The following CCDC158 variants were observed in gnomAD, a reference collection of about 807,000 sequenced individuals.
CCDC158 encodes coiled-coil domain-containing protein 158.
Under a neutral mutation model 138.6 loss-of-function variants are expected in CCDC158, and 116 were observed. The observed-to-expected ratio is 0.84, with a 90% CI of 0.72 to 0.98. The LOEUF is 0.98. Ranked by LOEUF, CCDC158 falls within the 50% of genes least tolerant of loss-of-function variation. The pLI, the probability that CCDC158 is intolerant of heterozygous loss-of-function variation, is 0.00. For synonymous variants in CCDC158, 436 were observed against 442.4 expected (o/e 0.99, Z 0.18); for missense variants, 1,265 against 1,306.1 (o/e 0.97, Z 0.48).
chr4:76,347,752 T>A (rs999827545), intron 18 of CCDC158, among the ~76,000 whole-genome samples: 1 of 151,958 alleles, frequency 6.6e-6, no homozygotes, highest in African/African-American at 2.4e-5. Context: ...AACCCAAAAT[T>A]ATCTCTGTAA....
chr4:76,367,285 T>C lies in CCDC158; in HGVS notation c.1830+9A>G, dbSNP rs951095634. The C allele has an allele frequency of 6.3e-7, 1 of 1,598,420 alleles. No homozygotes were observed. Among genetic ancestry groups the C allele is most frequent in the Non-Finnish European group, 8.5e-7 (1 of 1,171,726 alleles). Reference sequence around the variant, plus strand: ...TTCAGAAGTTAAATCACAAAAAAACTCTACAGACCTTAAGTTCCTTTAGTT... The same window carrying C: ...TTCAGAAGTTAAATCACAAAAAAACCCTACAGACCTTAAGTTCCTTTAGTT... On this transcript the variant is annotated intron_variant, in intron 12 of 24. Transcript: ENST00000682701.
chr4:76,339,683 A>G (rs1470685388), intron 18 of CCDC158, among the ~76,000 whole-genome samples: 2 of 152,268 alleles, frequency 1.3e-5, no homozygotes, highest in Non-Finnish European at 2.9e-5. Context: ...TGGACAGAGC[A>G]GTTGCCATGA....
intron 3 of CCDC158, among the ~76,000 whole-genome samples, chr4:76,397,976 G>A (rs1366920504): frequency 1.3e-5 from 2 of 152,076 alleles, no homozygotes; most frequent in Non-Finnish European, 2.9e-5. Context: ...AAAAAATTGG[G>A]GCCATGCCTT....
At chr4:76,350,844 C>T in intron 18 of CCDC158, 152 bp downstream of exon 18, 1 of 596,484 alleles carries the variant, frequency 1.7e-6, no homozygotes, top group Non-Finnish European at 2.6e-6. Flanking sequence ...ACCTGGACTC[C>T]ATTGAATTTA....
intron 18 of CCDC158, among the ~76,000 whole-genome samples, chr4:76,350,046 T>C (rs907622940): frequency 6.6e-6 from 1 of 152,204 alleles, no homozygotes; most frequent in Non-Finnish European, 1.5e-5. Flanking sequence ...GAGGCTAATT[T>C]AATTTTTATC....
intron 9 of CCDC158, among the ~76,000 whole-genome samples, chr4:76,372,284 T>C (rs747215234): frequency 6.6e-5 from 10 of 151,956 alleles, no homozygotes; most frequent in Non-Finnish European, 1.3e-4. Context: ...ACAAAAAATA[T>C]TTTTTTAAAG....
intron 6 of CCDC158, 83 bp from the exon 7 acceptor site, chr4:76,383,821 C>T: frequency 4.2e-6 from 4 of 944,876 alleles, no homozygotes; most frequent in Non-Finnish European, 6.8e-6. Flanking sequence ...TAAAGGAATG[C>T]TTTAAATGCA....
intron 4 of CCDC158, among the ~76,000 whole-genome samples, chr4:76,391,534 A>C (rs28769279): frequency 0.029 from 4,463 of 152,002 alleles, 213 homozygotes; most frequent in African/African-American, 0.1. Flanking sequence ...AAAGCAGTAC[A>C]AAGAGGGAAA....
At chr4:76,405,607 AT>A (rs2109878556) in intron 2 of CCDC158, among the ~76,000 whole-genome samples, 1 of 152,352 alleles carries the variant, frequency 6.6e-6, no homozygotes, top group African/African-American at 2.4e-5. Flanking sequence ...AGGTGAGGTA[AT>A]GGCACTGAAT....
intron 18 of CCDC158, among the ~76,000 whole-genome samples, chr4:76,348,750 T>C (rs1166979897): frequency 1.3e-5 from 2 of 152,064 alleles, no homozygotes; most frequent in East Asian, 1.9e-4. Flanking sequence ...GGAGAATTAA[T>C]TATCTGGAAA....
At chr4:76,396,995 G>T (rs1727883077) in intron 3 of CCDC158, among the ~76,000 whole-genome samples, 1 of 152,162 alleles carries the variant, frequency 6.6e-6, no homozygotes, top group Non-Finnish European at 1.5e-5. Flanking sequence ...GAGACTGCTG[G>T]GGGCCTTCTT....
At chr4:76,350,559 T>A (rs1010778074) in intron 18 of CCDC158, among the ~76,000 whole-genome samples, 12 of 152,260 alleles carry the variant, frequency 7.9e-5, no homozygotes, top group African/African-American at 2.9e-4. Context: ...ACTAAAAAAT[T>A]TCCAAAGTTT....
At chr4:76,372,319 C>T (rs1725322300) in intron 9 of CCDC158, among the ~76,000 whole-genome samples, 1 of 152,096 alleles carries the variant, frequency 6.6e-6, no homozygotes, top group Non-Finnish European at 1.5e-5. Context: ...GTGGTGCACA[C>T]CTGGGGTCCC....
At chr4:76,330,640 T>G (rs1720926874) in intron 21 of CCDC158, among the ~76,000 whole-genome samples, 1 of 152,162 alleles carries the variant, frequency 6.6e-6, no homozygotes, top group African/African-American at 2.4e-5. Flanking sequence ...GTACAGGCCT[T>G]TTTTCTTGTC....
intron 8 of CCDC158, among the ~76,000 whole-genome samples, chr4:76,380,412 G>C (rs140936742): frequency 5.1e-4 from 78 of 152,312 alleles, no homozygotes; most frequent in African/African-American, 1.7e-3. Flanking sequence ...TTAGCAAAGA[G>C]ACTGGTAGCA....
At chr4:76,409,816 G>T (rs1327447912) in intron 2 of CCDC158, among the ~76,000 whole-genome samples, 1 of 151,842 alleles carries the variant, frequency 6.6e-6, no homozygotes, top group African/African-American at 2.4e-5. Flanking sequence ...GGGTGACAGA[G>T]CGAGACTGTC....
chr4:76,392,830 T>G lies in CCDC158; in HGVS notation c.288+3439A>C, dbSNP rs182842428. On this transcript the variant is annotated intron_variant, in intron 4 of 24. Coordinates refer to ENST00000682701, the MANE Select transcript of CCDC158 (RefSeq NM_001394954.1). ...GTTAACATATAAAAATCAATAGCAT[T>G]TCTATATGCCAACAGTGAGCAATCT... Among the ~76,000 whole-genome samples the G allele has an allele frequency of 2.8e-3, 420 of 152,152 alleles. 2 individuals carry two copies. The highest frequency in any genetic ancestry group is 9.2e-3 in the African/African-American group (381 of 41,556).
chr4:76,396,534 G>C (rs996295237), intron 3 of CCDC158, 48 bp from the exon 4 acceptor site: 1 of 1,419,688 alleles, frequency 7.0e-7, no homozygotes, highest in Non-Finnish European at 9.7e-7. Flanking sequence ...TTTTTGAGAA[G>C]GAGTTTCACT....
At chr4:76,394,235 C>T (rs1401441289) in intron 4 of CCDC158, among the ~76,000 whole-genome samples, 1 of 152,124 alleles carries the variant, frequency 6.6e-6, no homozygotes, top group African/African-American at 2.4e-5. Flanking sequence ...ACCTAAGTGT[C>T]TATCCACAGA....
Sources: allele counts gnomAD v4.1 joint callset (sites outside exome capture counted in the v4.1 genomes callset), GRCh38; gene constraint gnomAD v4.1.1; transcripts MANE v1.5; gene names NCBI Gene and HGNC (gene_info 2026-07-23, HGNC 2026-07-21).